SCLY: variants seen among roughly 807,000 people sequenced by gnomAD.
SCLY encodes putative selenocysteine lyase.
SCLY carries 38 observed loss-of-function variants against 50.1 expected under a neutral mutation model. The ratio of observed to expected loss-of-function variants is 0.76; its 90% CI spans 0.59 to 0.99. The LOEUF (loss-of-function observed/expected upper bound fraction) is 0.99, where lower values mean the gene tolerates loss of function less well. Ranked by LOEUF, SCLY falls within the 50% of genes least tolerant of loss-of-function variation. SCLY has a pLI of 0.00. For missense variants in SCLY, 600 were observed against 620.0 expected (o/e 0.97, Z 0.34); for synonymous variants, 243 against 249.4 (o/e 0.97, Z 0.24).
intron 7 of SCLY, among the ~76,000 whole-genome samples, chr2:238,087,844 C>T (rs1041675002): frequency 2.6e-5 from 4 of 152,076 alleles, no homozygotes; most frequent in African/African-American, 9.7e-5. Flanking sequence ...AATCCCAGCA[C>T]TTTGGGAGGC....
rs745322603 is a variant in SCLY, at chr2:238,083,113, C to G, written c.778-135C>G. ...TCTGCGTGTCAAAAGGGGTGGCACT[C>G]AGAGGCGCCACAAGGAAGCAGCAGG... is the stretch of plus-strand genomic sequence containing the variant. On this transcript the variant is annotated intron_variant, in intron 6 of 11. Transcript: ENST00000254663. This position sits in a 1 kb window ranked among gnomAD's most constrained non-coding sequence, Gnocchi z 4.3. 2 of 752,604 alleles carry G rather than the reference C, an allele frequency of 2.7e-6. No homozygotes were observed. Among genetic ancestry groups the G allele is most frequent in the Non-Finnish European group, 4.8e-6 (2 of 414,486 alleles). The allele number at this position is 752,604 out of a possible 1,614,324, so 46.6% of individuals were successfully genotyped here. A position where few individuals can be genotyped will look rare whatever the true frequency, so the allele number is the denominator to read the frequency against.
intron 8 of SCLY, chr2:238,091,543 G>GA: frequency 6.1e-6 from 2 of 328,714 alleles, no homozygotes; most frequent in South Asian, 4.5e-5. Flanking sequence ...TCAAGCTGCA[G>GA]GTTCACCATT....
At chr2:238,088,723 T>C (rs1248418891) in intron 7 of SCLY, among the ~76,000 whole-genome samples, 1 of 152,230 alleles carries the variant, frequency 6.6e-6, no homozygotes, top group African/African-American at 2.4e-5. Flanking sequence ...AATTCAACCA[T>C]TCATGTTAAA....
chr2:238,086,906 C>G (rs770621653), intron 7 of SCLY, among the ~76,000 whole-genome samples: 33 of 151,818 alleles, frequency 2.2e-4, no homozygotes, highest in South Asian at 4.2e-4. Context: ...ATAATCCCAG[C>G]TACTTGGGAG....
chr2:238,095,186 T>C (rs909770359), intron 10 of SCLY, among the ~76,000 whole-genome samples: 1 of 152,094 alleles, frequency 6.6e-6, no homozygotes, highest in African/African-American at 2.4e-5. Flanking sequence ...ACAGAGTGAG[T>C]GAGACTCTGT....
intron 7 of SCLY, among the ~76,000 whole-genome samples, chr2:238,085,207 T>C (rs1406583549): frequency 2.6e-5 from 4 of 152,088 alleles, no homozygotes; most frequent in African/African-American, 9.7e-5. Flanking sequence ...AATGAGAAAT[T>C]GTGAACACCC....
rs1240510073 is a variant in SCLY, at chr2:238,069,161, G to A, written c.304-136G>A. 11 of 717,978 alleles carry A rather than the reference G, an allele frequency of 1.5e-5. No homozygotes were observed. The highest frequency in any genetic ancestry group is 6.8e-6 in the Non-Finnish European group (3 of 439,766). The allele number at this position is 717,978 out of a possible 1,614,324, so 44.5% of individuals were successfully genotyped here. On this transcript the variant is annotated intron_variant, in intron 3 of 11. Coordinates refer to ENST00000254663, the MANE Select transcript of SCLY (RefSeq NM_016510.7). The surrounding 1 kb of genome is among the most constrained non-coding windows in gnomAD (Gnocchi z 5.0). Reference sequence around the variant, plus strand: ...TGGAAAACCCCAAATCTTTCAAAAGGTCCCACTCAGGAAGTTGAATTTCTT... The same window carrying A: ...TGGAAAACCCCAAATCTTTCAAAAGATCCCACTCAGGAAGTTGAATTTCTT...
chr2:238,096,934 G>C (rs997611414), intron 11 of SCLY, 58 bp downstream of exon 11: 2 of 1,484,142 alleles, frequency 1.3e-6, no homozygotes, highest in Non-Finnish European at 9.1e-7. Flanking sequence ...CACTGGGTGT[G>C]GTGGGCAGGC....
At chr2:238,082,872 C>A in intron 6 of SCLY, 1 of 318,808 alleles carries the variant, frequency 3.1e-6, no homozygotes, top group Non-Finnish European at 6.4e-6. Flanking sequence ...CAGGAAAAGC[C>A]CTGGCCAACC....
intron 1 of SCLY, 40 bp downstream of exon 1, chr2:238,061,183 C>T: frequency 1.4e-6 from 2 of 1,425,494 alleles, no homozygotes; most frequent in Non-Finnish European, 1.9e-6. Flanking sequence ...CGGCCGGCGC[C>T]TGTCGCCGAT....
Position 238,067,283 on chromosome 2 carries a change from T to G in SCLY, c.203-782T>G, listed in dbSNP as rs149486275. On this transcript the variant is annotated intron_variant, in intron 2 of 11. Transcript: ENST00000254663. The surrounding 1 kb of genome is among the most constrained non-coding windows in gnomAD (Gnocchi z 4.3). ...AGCAGAATTACTTTGCATATTTATTTTACCTCAGCTTTTTATATTTCTCTT... is the reference window on the plus strand; with the variant it reads ...AGCAGAATTACTTTGCATATTTATTGTACCTCAGCTTTTTATATTTCTCTT... 3.2e-4 allele frequency among the ~76,000 whole-genome samples: 48 copies of G among 152,366 alleles called. No individual in the cohort carries two copies. Among genetic ancestry groups the G allele is most frequent in the Middle Eastern group, 3.4e-3 (1 of 294 alleles).
chr2:238,083,200 G>T lies in SCLY; in HGVS notation c.778-48G>T. On this transcript the variant is annotated intron_variant, in intron 6 of 11. Transcript: ENST00000254663. The surrounding 1 kb of genome is among the most constrained non-coding windows in gnomAD (Gnocchi z 4.3). Reference sequence around the variant, plus strand: ...AAGCACTTAGCATGTATACAGAGTAGGTCCTTGGAAAGTTCTTGTTGAATA... The same window carrying T: ...AAGCACTTAGCATGTATACAGAGTATGTCCTTGGAAAGTTCTTGTTGAATA... 1 of 1,290,688 alleles carries T rather than the reference G, an allele frequency of 7.7e-7. No homozygotes were observed. The highest frequency in any genetic ancestry group is 1.2e-5 in the South Asian group (1 of 84,518). The allele number at this position is 1,290,688 out of a possible 1,614,324, so 80.0% of individuals were successfully genotyped here.
chr2:238,076,392 G>A (rs561957633), intron 4 of SCLY, among the ~76,000 whole-genome samples: 5 of 151,988 alleles, frequency 3.3e-5, no homozygotes, highest in African/African-American at 9.7e-5. Flanking sequence ...ACACCCAGAC[G>A]TTTTTTCTTT....
chr2:238,064,277 TG>T, intron 1 of SCLY, 79 bp from the exon 2 acceptor site: 1 of 819,810 alleles, frequency 1.2e-6, no homozygotes, highest in Non-Finnish European at 1.9e-6. Flanking sequence ...CTCCTGCCGA[TG>T]GGATAGACAC....
intron 7 of SCLY, among the ~76,000 whole-genome samples, chr2:238,085,071 A>G (rs1251376209): frequency 6.6e-6 from 1 of 152,166 alleles, no homozygotes; most frequent in East Asian, 1.9e-4. Flanking sequence ...AAAATCATTC[A>G]TCATACCAAG....
chr2:238,091,090 C>A, intron 7 of SCLY, 128 bp from the exon 8 acceptor site: 1 of 869,578 alleles, frequency 1.1e-6, no homozygotes, highest in Non-Finnish European at 1.9e-6. Flanking sequence ...ATTGAGATAG[C>A]CACATGGCGC....
At chr2:238,091,518 A>ATTTTTAAT in intron 8 of SCLY, 5 of 464,548 alleles carry the variant, frequency 1.1e-5, no homozygotes, top group South Asian at 7.2e-5. Context: ...ATACTGTTAC[A>ATTTTTAAT]GCAGAGGTGA....
intron 11 of SCLY, 68 bp from the exon 12 acceptor site, chr2:238,098,134 A>G: frequency 6.4e-7 from 1 of 1,561,522 alleles, no homozygotes; most frequent in Non-Finnish European, 8.7e-7. Flanking sequence ...AGTGGTCCAG[A>G]GCAGGGGGGG....
chr2:238,078,413 G>A (rs1193195092), intron 4 of SCLY, among the ~76,000 whole-genome samples: 1 of 151,442 alleles, frequency 6.6e-6, no homozygotes, highest in African/African-American at 2.4e-5. Flanking sequence ...CCCCTTTACC[G>A]TTTTCTTTTG....
Sources: gnomAD v4.1 joint callset for allele counts (sites outside exome capture counted in the v4.1 genomes callset) on GRCh38, gnomAD v4.1.1 for gene constraint, Gnocchi (gnomAD v3.1) non-coding constraint, MANE v1.5 for transcripts, NCBI Gene and HGNC (gene_info 2026-07-23, HGNC 2026-07-21) for gene names.